The following CPA6 variants were observed in gnomAD, a reference collection of about 807,000 sequenced individuals.
CPA6 encodes carboxypeptidase A6.
A neutral mutation model predicts 63.3 loss-of-function variants in CPA6; 58 were observed. That is an observed-to-expected ratio of 0.92 (90% CI 0.74 to 1.14). CPA6 has a LOEUF of 1.14. CPA6 is among the 50% of genes most tolerant of loss of function. The pLI is 0.00. For synonymous variants in CPA6, 185 were observed against 179.0 expected, an observed-to-expected ratio of 1.03 and a Z score of -0.27; for missense variants, 565 against 526.6, an observed-to-expected ratio of 1.07 and a Z score of -0.71.
chr8:67,525,071 G>A (rs1364496182), intron 2 of CPA6, among the ~76,000 whole-genome samples: 1 of 152,094 alleles, frequency 6.6e-6, no homozygotes, highest in South Asian at 2.1e-4. Flanking sequence ...CTTATGACTT[G>A]CCAACATTTC....
intron 2 of CPA6, among the ~76,000 whole-genome samples, chr8:67,607,785 A>G (rs1035370230): frequency 2.6e-5 from 4 of 152,160 alleles, no homozygotes; most frequent in Non-Finnish European, 4.4e-5. Context: ...TCCTTTGTCT[A>G]CTGCCCAATT....
chr8:67,576,531 A>G (rs571401944), intron 2 of CPA6, among the ~76,000 whole-genome samples: 11 of 152,334 alleles, frequency 7.2e-5, no homozygotes, highest in African/African-American at 2.2e-4. Flanking sequence ...TCTATAAAAT[A>G]TATGGTGCAT....
intron 2 of CPA6, among the ~76,000 whole-genome samples, chr8:67,616,004 G>C (rs888306653): frequency 2.6e-5 from 4 of 152,202 alleles, no homozygotes; most frequent in African/African-American, 4.8e-5. Context: ...ATGCTGAGAA[G>C]TGTTAGGCAG....
At position 67,663,110 on chromosome 8, in the gene CPA6, T is replaced by A. The variant is rs183393860; in HGVS notation, c.117-38859A>T. On this transcript the variant is annotated intron_variant, in intron 1 of 10. Coordinates refer to ENST00000297770, the MANE Select transcript of CPA6 (RefSeq NM_020361.5). The stretch of plus-strand genomic sequence containing the variant: ...GCCCTTTCTATGAAGAGTTCTCTAT[T>A]CAGGACTTGAAAAATAAAAACTAAA... Among the ~76,000 whole-genome samples, 13 of 152,272 alleles carry A rather than the reference T, an allele frequency of 8.5e-5. No homozygotes were observed. In the East Asian group the frequency reaches 2.5e-3, roughly 29 times the overall value.
intron 1 of CPA6, among the ~76,000 whole-genome samples, chr8:67,707,431 T>G (rs1045596122): frequency 1.1e-4 from 16 of 152,274 alleles, no homozygotes; most frequent in African/African-American, 3.9e-4. Context: ...AACAAAATTT[T>G]GAGCATATTC....
intron 2 of CPA6, among the ~76,000 whole-genome samples, chr8:67,573,659 G>A (rs928446269): frequency 7.2e-5 from 11 of 151,900 alleles, no homozygotes; most frequent in African/African-American, 1.9e-4. Flanking sequence ...TTGGGAGGCC[G>A]AGGAGGGCGG....
At chr8:67,591,799 G>C (rs537317439) in intron 2 of CPA6, among the ~76,000 whole-genome samples, 70 of 152,194 alleles carry the variant, frequency 4.6e-4, no homozygotes, top group African/African-American at 1.7e-3. Context: ...GAGACAATGG[G>C]GTTTTCTAGT....
rs538123294 is a variant in CPA6, at chr8:67,561,861, C to T, written c.193-43814G>A. Among the ~76,000 whole-genome samples, 7 of 152,250 alleles carry T rather than the reference C, an allele frequency of 4.6e-5. No individual in the cohort carries two copies. The South Asian group carries it at 1.2e-3, about 27-fold the overall frequency. ...TCTTTATACTACACTTCCAAATTTT[C>T]TGTAAGTTTATTTCAAAATAAGAAG... On this transcript the variant is annotated intron_variant, in intron 2 of 10. Transcript: ENST00000297770.
intron 1 of CPA6, among the ~76,000 whole-genome samples, chr8:67,678,957 TCAGA>T (rs1563389723): frequency 6.6e-6 from 1 of 152,254 alleles, no homozygotes; most frequent in East Asian, 1.9e-4. Flanking sequence ...GTGAAAAAAC[TCAGA>T]CAGAAAGAGT....
At chr8:67,465,855 C>G (rs1312651853) in intron 8 of CPA6, among the ~76,000 whole-genome samples, 1 of 152,062 alleles carries the variant, frequency 6.6e-6, no homozygotes, top group African/African-American at 2.4e-5. Flanking sequence ...GTTTTGTTTG[C>G]TAGTATTTTG....
At chr8:67,640,714 G>A (rs977537648) in intron 1 of CPA6, among the ~76,000 whole-genome samples, 4 of 151,378 alleles carry the variant, frequency 2.6e-5, no homozygotes, top group Non-Finnish European at 4.4e-5. Context: ...TGAAAGAGGC[G>A]GCCCTTCAGC....
intron 2 of CPA6, among the ~76,000 whole-genome samples, chr8:67,570,263 T>C (rs1351955024): frequency 6.6e-6 from 1 of 152,106 alleles, no homozygotes; most frequent in Non-Finnish European, 1.5e-5. Context: ...CCCAGACAAA[T>C]AAAAGCTAAG....
At chr8:67,614,120 G>A (rs866717521) in intron 2 of CPA6, among the ~76,000 whole-genome samples, 23 of 152,184 alleles carry the variant, frequency 1.5e-4, no homozygotes, top group African/African-American at 4.8e-4. Flanking sequence ...CTGCCCTTGT[G>A]AAAAGGCAGA....
intron 8 of CPA6, 103 bp from the exon 9 acceptor site, chr8:67,434,343 CAT>C (rs1316699943): frequency 1.3e-5 from 12 of 899,696 alleles, no homozygotes; most frequent in Non-Finnish European, 2.1e-5. Context: ...TTTCTCCAAA[CAT>C]ATGGTATTAT....
chr8:67,433,721 G>C (rs1158622692), intron 9 of CPA6, among the ~76,000 whole-genome samples: 2 of 152,178 alleles, frequency 1.3e-5, no homozygotes, highest in Non-Finnish European at 2.9e-5. Context: ...GATTGTATTT[G>C]AGAAGCAGCA....
At chr8:67,440,282 G>A (rs1810261028) in intron 8 of CPA6, among the ~76,000 whole-genome samples, 1 of 151,994 alleles carries the variant, frequency 6.6e-6, no homozygotes, top group Non-Finnish European at 1.5e-5. Context: ...AAAGACATAT[G>A]TTCTGAGGCC....
At chr8:67,709,322 T>C (rs572823633) in intron 1 of CPA6, among the ~76,000 whole-genome samples, 2 of 152,334 alleles carry the variant, frequency 1.3e-5, no homozygotes, top group South Asian at 4.1e-4. Flanking sequence ...CTCTCAAATG[T>C]ACTTTACCTC....
At chr8:67,466,373 G>T (rs1316596057) in intron 8 of CPA6, among the ~76,000 whole-genome samples, 1 of 151,954 alleles carries the variant, frequency 6.6e-6, no homozygotes, top group African/African-American at 2.4e-5. Flanking sequence ...AATCTAGCTA[G>T]CAGTCTATCA....
At chr8:67,606,287 A>T (rs962231233) in intron 2 of CPA6, among the ~76,000 whole-genome samples, 7 of 152,000 alleles carry the variant, frequency 4.6e-5, no homozygotes, top group African/African-American at 1.2e-4. Flanking sequence ...CATATGTAAC[A>T]AACCTGCACA....
Sources: gnomAD v4.1 joint callset for allele counts (sites outside exome capture counted in the v4.1 genomes callset) on GRCh38, gnomAD v4.1.1 for gene constraint, MANE v1.5 for transcripts, NCBI Gene and HGNC (gene_info 2026-07-23, HGNC 2026-07-21) for gene names.